ADORA2B: variants seen among roughly 807,000 people sequenced by gnomAD.
ADORA2B encodes adenosine A2b receptor, also known as adenosine receptor A2b.
ADORA2B carries 18 observed loss-of-function variants against 20.8 expected under a neutral mutation model. The ratio of observed to expected loss-of-function variants is 0.87; its 90% CI spans 0.60 to 1.29. The LOEUF is 1.29. ADORA2B is among the 50% of genes most tolerant of loss of function. The probability of loss-of-function intolerance (pLI) is 0.00; values close to 1 mark genes in which losing one functional copy is unlikely to be tolerated. For synonymous variants in ADORA2B, 179 were observed against 178.3 expected, an observed-to-expected ratio of 1.00 and a Z score of -0.03; for missense variants, 441 against 422.7, an observed-to-expected ratio of 1.04 and a Z score of -0.38.
intron 1 of ADORA2B, among the ~76,000 whole-genome samples, chr17:15,964,558 G>A (rs1597428683): frequency 6.8e-6 from 1 of 147,820 alleles, no homozygotes; most frequent in Non-Finnish European, 1.5e-5. Flanking sequence ...GCAGTGAGCC[G>A]AGATCATGAC....
the ADORA2B span, among the ~76,000 whole-genome samples, chr17:15,856,097 AG>A: frequency 6.6e-5 from 10 of 151,966 alleles, no homozygotes; most frequent in Non-Finnish European, 1.3e-4. Context: ...CCATGTGTCT[AG>A]GGAGGGACTT....
chr17:15,927,171 AC>A, the ADORA2B span, among the ~76,000 whole-genome samples: 1 of 151,462 alleles, frequency 6.6e-6, no homozygotes, highest in African/African-American at 2.4e-5. Context: ...ACATTGTGAA[AC>A]CCCATCTCTA....
the ADORA2B span, among the ~76,000 whole-genome samples, chr17:15,900,087 C>G: frequency 6.6e-6 from 1 of 152,138 alleles, no homozygotes; most frequent in Non-Finnish European, 1.5e-5. Flanking sequence ...GCCTCGGCCT[C>G]CCAAAGTGCT....
chr17:15,859,656 TATC>T, the ADORA2B span, among the ~76,000 whole-genome samples: 1 of 152,074 alleles, frequency 6.6e-6, no homozygotes, highest in Non-Finnish European at 1.5e-5. Flanking sequence ...CTTTACGAAA[TATC>T]ATCTGACCAG....
chr17:15,901,048 C>T, the ADORA2B span, among the ~76,000 whole-genome samples: 8 of 152,268 alleles, frequency 5.3e-5, 1 homozygote, highest in South Asian at 1.0e-3. Context: ...GCATGCCCAC[C>T]GGGACAGCAG....
At chr17:15,882,652 C>G in the ADORA2B span, among the ~76,000 whole-genome samples, 1 of 152,136 alleles carries the variant, frequency 6.6e-6, no homozygotes, top group African/African-American at 2.4e-5. Flanking sequence ...AAGGAAGTAT[C>G]TATATCAAAA....
the ADORA2B span, among the ~76,000 whole-genome samples, chr17:15,882,764 T>TA: frequency 0.33 from 49,670 of 151,782 alleles, 8,783 homozygotes; most frequent in African/African-American, 0.46. Flanking sequence ...TGTCAGAACG[T>TA]GTCCTCCTTC....
the ADORA2B span, among the ~76,000 whole-genome samples, chr17:15,919,843 A>G: frequency 1.9e-4 from 29 of 152,298 alleles, no homozygotes; most frequent in Non-Finnish European, 3.4e-4. Flanking sequence ...GCCACTTTTT[A>G]TAAAAAATAA....
chr17:15,876,421 TTTTC>T, the ADORA2B span, among the ~76,000 whole-genome samples: 1,959 of 149,452 alleles, frequency 0.013, 52 homozygotes, highest in African/African-American at 0.046. Context: ...GGTCTTTTTT[TTTTC>T]TTTCTTTCTT....
the ADORA2B span, among the ~76,000 whole-genome samples, chr17:15,935,859 T>TA: frequency 6.6e-6 from 1 of 151,562 alleles, no homozygotes; most frequent in Non-Finnish European, 1.5e-5. Flanking sequence ...TTTCATTTGT[T>TA]ATTGTACTTT....
At chr17:15,929,264 CCTCTGGAG>C in the ADORA2B span, among the ~76,000 whole-genome samples, 1 of 152,096 alleles carries the variant, frequency 6.6e-6, no homozygotes, top group Non-Finnish European at 1.5e-5. Context: ...ATGTTTGAAC[CCTCTGGAG>C]ATGACAGTGG....
intron 1 of ADORA2B, among the ~76,000 whole-genome samples, chr17:15,973,058 CTAGT>C (rs1970207515): frequency 6.6e-6 from 1 of 152,204 alleles, no homozygotes; most frequent in Admixed American, 6.5e-5. Flanking sequence ...AACTCTGCTG[CTAGT>C]ATTTCTCAGT....
the ADORA2B span, chr17:15,908,763 G>C: frequency 9.2e-5 from 14 of 152,958 alleles, no homozygotes; most frequent in African/African-American, 3.1e-4. Context: ...CTCAATCCTA[G>C]TGGACCAACA....
chr17:15,874,746 T>G, the ADORA2B span, among the ~76,000 whole-genome samples: 1 of 152,046 alleles, frequency 6.6e-6, no homozygotes, highest in Non-Finnish European at 1.5e-5. Flanking sequence ...CTTTTTATGC[T>G]TGTGCTAAAT....
chr17:15,878,176 TG>T, the ADORA2B span, among the ~76,000 whole-genome samples: 2 of 73,362 alleles, frequency 2.7e-5, no homozygotes, highest in African/African-American at 9.9e-5. Flanking sequence ...TGTGTGTGTG[TG>T]TGTGTATACA....
At chr17:15,972,533 G>A (rs563073278) in intron 1 of ADORA2B, among the ~76,000 whole-genome samples, 1 of 152,192 alleles carries the variant, frequency 6.6e-6, no homozygotes, top group Non-Finnish European at 1.5e-5. Flanking sequence ...GTCTAAAAGG[G>A]ATATTATGGC....
chr17:15,951,504 A>G (rs1159445227), intron 1 of ADORA2B, among the ~76,000 whole-genome samples: 3 of 152,224 alleles, frequency 2.0e-5, no homozygotes, highest in Non-Finnish European at 4.4e-5. Context: ...TTCCCAGGCC[A>G]TGTAGCAACC....
At chr17:15,878,199 A>G in the ADORA2B span, among the ~76,000 whole-genome samples, 2 of 149,052 alleles carry the variant, frequency 1.3e-5, 1 homozygote. Context: ...ACACACACAC[A>G]CACACACACA....
At chr17:15,955,326 G>GA (rs1186548537) in intron 1 of ADORA2B, among the ~76,000 whole-genome samples, 1 of 152,072 alleles carries the variant, frequency 6.6e-6, no homozygotes, top group Non-Finnish European at 1.5e-5. Context: ...TATACCAAGT[G>GA]AAAACTGTAT....
Sources: allele counts gnomAD v4.1 joint callset (sites outside exome capture counted in the v4.1 genomes callset), GRCh38; gene constraint gnomAD v4.1.1; transcripts MANE v1.5; gene names NCBI Gene and HGNC (gene_info 2026-07-23, HGNC 2026-07-21).